KCNS3: variants seen among roughly 807,000 people sequenced by gnomAD.
The protein encoded by KCNS3 is potassium voltage-gated channel modifier subfamily S member 3.
In KCNS3, 13 loss-of-function variants were observed where a neutral mutation model predicts 31.0. The observed-to-expected ratio is 0.42, with a 90% CI of 0.27 to 0.67. KCNS3 has a LOEUF of 0.67. Ranked by LOEUF, KCNS3 falls within the 30% of genes least tolerant of loss-of-function variation. The probability of loss-of-function intolerance (pLI) is 0.25; values close to 1 mark genes in which losing one functional copy is unlikely to be tolerated. For synonymous variants in KCNS3, 238 were observed against 241.5 expected (o/e 0.99, Z 0.13); for missense variants, 545 against 622.4 (o/e 0.88, Z 1.32).
chr2:17,920,040 TA>T (rs1359070018), intron 2 of KCNS3, among the ~76,000 whole-genome samples: 2 of 152,120 alleles, frequency 1.3e-5, no homozygotes, highest in Admixed American at 6.5e-5. Context: ...ACCTACTCTT[TA>T]AAAAAATCAA....
chr2:17,907,647 C>T (rs1662361472), intron 1 of KCNS3, among the ~76,000 whole-genome samples: 1 of 152,132 alleles, frequency 6.6e-6, no homozygotes, highest in Admixed American at 6.5e-5. Context: ...TCTTGTAAGG[C>T]AGGCCTGGTG....
intron 1 of KCNS3, among the ~76,000 whole-genome samples, chr2:17,909,248 C>G (rs992922466): frequency 1.3e-5 from 2 of 152,314 alleles, no homozygotes; most frequent in East Asian, 3.9e-4. Context: ...GGCGTGGGAC[C>G]CTCCAAGCCA....
rs115246057 is a variant in KCNS3, at chr2:17,903,141, A to C, written c.-251-14539A>C. On this transcript the variant is annotated intron_variant, in intron 1 of 2. Transcript: ENST00000304101. ...CAAGAGAGACTTTAAAATTTCATAC[A>C]GAATGGAAGCAGCCAGTAGCTAAGC... Among the ~76,000 whole-genome samples the C allele has an allele frequency of 3.0e-3, 451 of 152,306 alleles. 6 individuals are homozygous for C. The highest frequency in any genetic ancestry group is 1.0e-2 in the African/African-American group (414 of 41,554).
chr2:17,924,281 C>T (rs1453842103), intron 2 of KCNS3, among the ~76,000 whole-genome samples: 5 of 151,808 alleles, frequency 3.3e-5, no homozygotes, highest in Non-Finnish European at 1.5e-5. Flanking sequence ...TTTCTATATA[C>T]AAGATCATGT....
At chr2:17,887,416 T>C (rs1308469874) in intron 1 of KCNS3, among the ~76,000 whole-genome samples, 1 of 152,186 alleles carries the variant, frequency 6.6e-6, no homozygotes, top group African/African-American at 2.4e-5. Context: ...TAGTCTCCAA[T>C]CTCATTCAGG....
At chr2:17,912,515 T>C (rs921741430) in intron 1 of KCNS3, among the ~76,000 whole-genome samples, 1 of 152,226 alleles carries the variant, frequency 6.6e-6, no homozygotes, top group Non-Finnish European at 1.5e-5. Context: ...ACTCAGTGAC[T>C]GTGTTGTACT....
intron 1 of KCNS3, among the ~76,000 whole-genome samples, chr2:17,912,648 C>G (rs1461951): frequency 0.22 from 33,163 of 152,122 alleles, 4,127 homozygotes; most frequent in East Asian, 0.46. Context: ...CCCTCCATTC[C>G]CCAGGGGGAG....
At chr2:17,888,633 A>ATCTATATATATC (rs1553341407) in intron 1 of KCNS3, among the ~76,000 whole-genome samples, 4 of 50,468 alleles carry the variant, frequency 7.9e-5, no homozygotes, top group African/African-American at 2.9e-4. Flanking sequence ...AAAAATGTAT[A>ATCTATATATATC]TATATATATA....
intron 1 of KCNS3, among the ~76,000 whole-genome samples, chr2:17,893,940 GTTTTTTTTTTTT>G (rs5829612): frequency 1.0e-5 from 1 of 98,904 alleles, no homozygotes; most frequent in African/African-American, 4.5e-5. Context: ...CCAGGAGCCA[GTTTTTTTTTTTT>G]TTTTTTTTTT....
At chr2:17,919,798 T>A (rs1324150199) in intron 2 of KCNS3, among the ~76,000 whole-genome samples, 1 of 152,178 alleles carries the variant, frequency 6.6e-6, no homozygotes, top group East Asian at 1.9e-4. Context: ...CTCAGTGGAC[T>A]GGGCTGCACC....
At chr2:17,889,936 T>C (rs1365689728) in intron 1 of KCNS3, among the ~76,000 whole-genome samples, 1 of 152,210 alleles carries the variant, frequency 6.6e-6, no homozygotes, top group African/African-American at 2.4e-5. Context: ...GATCCTTGCT[T>C]CATAGAATGA....
chr2:17,919,474 G>C (rs1662663803), intron 2 of KCNS3: 1 of 152,192 alleles, frequency 6.6e-6, no homozygotes, highest in Non-Finnish European at 1.5e-5. Context: ...ATAAGAAGAG[G>C]CAGCTCAGAC....
intron 1 of KCNS3, among the ~76,000 whole-genome samples, chr2:17,892,680 T>A (rs1227296890): frequency 6.6e-6 from 1 of 152,182 alleles, no homozygotes; most frequent in Non-Finnish European, 1.5e-5. Context: ...TCCTGTGAGC[T>A]GAACTGCAGT....
intron 1 of KCNS3, among the ~76,000 whole-genome samples, chr2:17,895,223 TA>T (rs930451134): frequency 1.3e-5 from 2 of 152,210 alleles, no homozygotes; most frequent in African/African-American, 4.8e-5. Context: ...GCTTTTTTTT[TA>T]ACCTCATGAA....
intron 1 of KCNS3, among the ~76,000 whole-genome samples, chr2:17,899,036 G>A (rs1213559894): frequency 1.3e-5 from 2 of 152,086 alleles, no homozygotes; most frequent in Non-Finnish European, 2.9e-5. Flanking sequence ...GACCATCCCG[G>A]CCAACATGGT....
chr2:17,895,916 G>T (rs1279784363), intron 1 of KCNS3, among the ~76,000 whole-genome samples: 1 of 152,130 alleles, frequency 6.6e-6, no homozygotes, highest in Non-Finnish European at 1.5e-5. Context: ...GAGGTATGAG[G>T]TATATTGGTG....
intron 1 of KCNS3, among the ~76,000 whole-genome samples, chr2:17,895,863 G>T (rs1662013825): frequency 6.6e-6 from 1 of 152,144 alleles, no homozygotes; most frequent in African/African-American, 2.4e-5. Flanking sequence ...GGGAGAGTGT[G>T]TGGTGCAGCT....
chr2:17,894,243 A>G (rs1429386939), intron 1 of KCNS3, among the ~76,000 whole-genome samples: 1 of 152,070 alleles, frequency 6.6e-6, no homozygotes, highest in Non-Finnish European at 1.5e-5. Flanking sequence ...ATGAGTGCAC[A>G]GTGACATGGT....
intron 1 of KCNS3, among the ~76,000 whole-genome samples, chr2:17,897,405 G>A (rs188371590): frequency 9.9e-5 from 15 of 152,232 alleles, no homozygotes; most frequent in African/African-American, 2.9e-4. Context: ...TGGATATACC[G>A]GTAATGAGAC....
Sources: allele counts gnomAD v4.1 joint callset (sites outside exome capture counted in the v4.1 genomes callset), GRCh38; gene constraint gnomAD v4.1.1; transcripts MANE v1.5; gene names NCBI Gene and HGNC (gene_info 2026-07-23, HGNC 2026-07-21).